ZDHHC13: variants seen among roughly 807,000 people sequenced by gnomAD.
ZDHHC13 encodes zDHHC palmitoyltransferase 13.
Under a neutral mutation model 86.0 loss-of-function variants are expected in ZDHHC13, and 85 were observed. That is an observed-to-expected ratio of 0.99 (90% CI 0.83 to 1.18). The LOEUF is 1.18. ZDHHC13 is among the 50% of genes most tolerant of loss of function. The probability of loss-of-function intolerance (pLI) is 0.00; values close to 1 mark genes in which losing one functional copy is unlikely to be tolerated. For synonymous variants in ZDHHC13, 263 were observed against 246.4 expected, an observed-to-expected ratio of 1.07 and a Z score of -0.63; for missense variants, 711 against 730.2, an observed-to-expected ratio of 0.97 and a Z score of 0.30.
At chr11:19,123,806 C>G (rs2133359177) in intron 1 of ZDHHC13, among the ~76,000 whole-genome samples, 1 of 152,148 alleles carries the variant, frequency 6.6e-6, no homozygotes, top group Non-Finnish European at 1.5e-5. Flanking sequence ...AAACAAAACA[C>G]TCAGACTCAT....
At position 19,163,228 on chromosome 11, in the gene ZDHHC13, A is replaced by G. The variant is rs528928458; in HGVS notation, c.1109-75A>G. The stretch of plus-strand genomic sequence containing the variant: ...AGGAAGGTGAGATTCTTAGGTGCCA[A>G]TGATGAAATTTGCTTACATCATAAT... On this transcript the variant is annotated intron_variant, in intron 10 of 16. Transcript: ENST00000446113. The G allele has an allele frequency of 1.2e-5, 18 of 1,462,076 alleles. 1 individual carries two copies. Among genetic ancestry groups the G allele is most frequent in the South Asian group, 5.9e-5 (4 of 67,268 alleles). The allele number at this position is 1,462,076 out of a possible 1,614,324, so 90.6% of individuals were successfully genotyped here. A position where few individuals can be genotyped will look rare whatever the true frequency, so the allele number is the denominator to read the frequency against.
chr11:19,163,433 A>G lies in ZDHHC13; in HGVS notation c.1233+6A>G, dbSNP rs1280431370. On this transcript the variant is annotated splice_donor_region_variant and intron_variant, in intron 11 of 16. Transcript: ENST00000446113. ...CTGAAGAAGAAAAGAAAGTGGTGAG[A>G]TTTCTTCGTTACTGATATTTTTAAT... The G allele has an allele frequency of 6.3e-7, 1 of 1,579,736 alleles. No homozygotes were observed. Among genetic ancestry groups the G allele is most frequent in the Non-Finnish European group, 8.6e-7 (1 of 1,168,550 alleles).
intron 1 of ZDHHC13, among the ~76,000 whole-genome samples, chr11:19,131,294 T>C (rs1230673946): frequency 6.6e-6 from 1 of 151,976 alleles, no homozygotes; most frequent in Non-Finnish European, 1.5e-5. Context: ...TCCAGACTGA[T>C]TTTAAGATCT....
In ZDHHC13 at chr11:19,166,327, ATTC is replaced by A. The variant is rs1850067540; in HGVS notation, c.1422_1424del (p.Phe474del). On this transcript the variant is annotated inframe_deletion, in exon 14 of 17. Coordinates refer to ENST00000446113, the MANE Select transcript of ZDHHC13 (RefSeq NM_019028.3). ...GTTTTGGCAACCATCACTATTACAT[ATTC>A]TTCTTGTTTTTCCTTTCCATGGTAT... 9 of 1,611,882 alleles carry A rather than the reference ATTC, an allele frequency of 5.6e-6. No homozygotes were observed. The highest frequency in any genetic ancestry group is 3.4e-6 in the Non-Finnish European group (4 of 1,179,362).
chr11:19,152,385 G>A (rs930702769), intron 7 of ZDHHC13, 65 bp downstream of exon 7: 55 of 1,547,910 alleles, frequency 3.6e-5, no homozygotes, highest in Middle Eastern at 3.4e-4. Flanking sequence ...ATAAATTAAC[G>A]TAAAGATAAG....
At position 19,152,168 on chromosome 11, in the gene ZDHHC13, A is replaced by G. The variant is rs577108158; in HGVS notation, c.595A>G (p.Thr199Ala). Residue 199 changes from threonine to alanine, a missense_variant, in exon 7 of 17, where the codon ACT (threonine) becomes GCT (alanine). Transcript: ENST00000446113. ...ATTATTTTGAGACAGGCCAGAACCA[A>G]CTGGATTTCTTTTAAAGTTTAATCC... ...SAHKVIGPEP[T>A]GFLLKFNPSL... The G allele has an allele frequency of 6.2e-7, 1 of 1,612,906 alleles. No individual in the cohort carries two copies.
intron 14 of ZDHHC13, chr11:19,168,760 T>C: frequency 1.0e-6 from 1 of 975,658 alleles, no homozygotes; most frequent in Non-Finnish European, 1.2e-6. Context: ...CTCTATACTC[T>C]CCTTCTCATG....
At chr11:19,172,288 C>T (rs1390698756) in intron 15 of ZDHHC13, among the ~76,000 whole-genome samples, 1 of 151,982 alleles carries the variant, frequency 6.6e-6, no homozygotes, top group Admixed American at 6.6e-5. Context: ...GGCCAGGCTG[C>T]TCTCGAACTC....
chr11:19,139,051 A>G (rs1849231022), intron 1 of ZDHHC13, among the ~76,000 whole-genome samples: 2 of 152,094 alleles, frequency 1.3e-5, no homozygotes, highest in Admixed American at 1.3e-4. Context: ...ATAGTGTTGG[A>G]AGTTCTGGCC....
chr11:19,135,097 G>C (rs1246292699), intron 1 of ZDHHC13, among the ~76,000 whole-genome samples: 1 of 152,198 alleles, frequency 6.6e-6, no homozygotes, highest in East Asian at 1.9e-4. Flanking sequence ...AACAGCTCTG[G>C]TCTACAGCTC....
At chr11:19,123,133 A>G (rs1045401384) in intron 1 of ZDHHC13, among the ~76,000 whole-genome samples, 2 of 152,246 alleles carry the variant, frequency 1.3e-5, no homozygotes, top group Non-Finnish European at 2.9e-5. Flanking sequence ...GTAATTGTAC[A>G]TCATAAATAC....
At chr11:19,156,566 A>G (rs1175327651) in intron 9 of ZDHHC13, among the ~76,000 whole-genome samples, 1 of 152,216 alleles carries the variant, frequency 6.6e-6, no homozygotes, top group African/African-American at 2.4e-5. Flanking sequence ...ACATAGAACT[A>G]TAGCTGACAC....
chr11:19,133,942 T>TATATATATATATATAC lies in ZDHHC13; in HGVS notation c.28-9035_28-9034insTATATATATATATACA. 2.0e-3 allele frequency among the ~76,000 whole-genome samples: 194 copies of TATATATATATATATAC among 96,078 alleles called. 4 individuals are homozygous for TATATATATATATATAC. The highest frequency in any genetic ancestry group is 4.1e-3 in the South Asian group (11 of 2,658). The allele number at this position is 96,078 out of a possible 152,430, so 63.0% of individuals were successfully genotyped here. A position where few individuals can be genotyped will look rare whatever the true frequency, so the allele number is the denominator to read the frequency against. On this transcript the variant is annotated intron_variant, in intron 1 of 16. Transcript: ENST00000446113. ...GTCCATATATATATATATATATATA[T>TATATATATATATATAC]ACACGTATGTGTTTTATATACTTCA...
At chr11:19,125,115 A>T (rs868209778) in intron 1 of ZDHHC13, among the ~76,000 whole-genome samples, 7 of 152,330 alleles carry the variant, frequency 4.6e-5, no homozygotes, top group Middle Eastern at 3.4e-3. Flanking sequence ...GAACAAATTG[A>T]TAAATTGGAC....
intron 5 of ZDHHC13, 134 bp downstream of exon 5, chr11:19,149,465 A>G (rs925908889): frequency 3.2e-6 from 3 of 951,790 alleles, no homozygotes; most frequent in African/African-American, 1.7e-5. Flanking sequence ...TAGCCTCAGT[A>G]CGTTTAGCCA....
chr11:19,135,723 T>C (rs893249810), intron 1 of ZDHHC13, among the ~76,000 whole-genome samples: 1 of 152,214 alleles, frequency 6.6e-6, no homozygotes, highest in African/African-American at 2.4e-5. Flanking sequence ...CAGCTGGAGA[T>C]CTGAGAACGG....
At chr11:19,161,859 G>C (rs1303026216) in intron 10 of ZDHHC13, among the ~76,000 whole-genome samples, 1 of 152,170 alleles carries the variant, frequency 6.6e-6, no homozygotes, top group African/African-American at 2.4e-5. Flanking sequence ...AGTGTGGCTA[G>C]TGATGCAGCT....
chr11:19,124,661 C>T (rs887429761), intron 1 of ZDHHC13, among the ~76,000 whole-genome samples: 1 of 151,910 alleles, frequency 6.6e-6, no homozygotes, highest in African/African-American at 2.4e-5. Context: ...AATATAATTA[C>T]TGTGATATCA....
chr11:19,128,348 G>C (rs140860081), intron 1 of ZDHHC13, among the ~76,000 whole-genome samples: 23 of 152,178 alleles, frequency 1.5e-4, no homozygotes, highest in African/African-American at 5.1e-4. Flanking sequence ...GAGCTCTTGG[G>C]CCAATACTAT....
Sources: allele counts gnomAD v4.1 joint callset (sites outside exome capture counted in the v4.1 genomes callset), GRCh38; gene constraint gnomAD v4.1.1; transcripts MANE v1.5; gene names NCBI Gene and HGNC (gene_info 2026-07-23, HGNC 2026-07-21).